MORC2: variants seen among roughly 807,000 people sequenced by gnomAD.
The protein encoded by MORC2 is MORC family CW-type zinc finger 2.
A neutral mutation model predicts 136.0 loss-of-function variants in MORC2; 30 were observed. The ratio of observed to expected loss-of-function variants is 0.22; its 90% CI spans 0.17 to 0.30. MORC2 has a LOEUF of 0.30. MORC2 is among the 10% of genes least tolerant of loss of function. The pLI is 1.00. For missense variants in MORC2, 922 were observed against 1,333.1 expected (o/e 0.69, Z 4.80); for synonymous variants, 439 against 487.0 (o/e 0.90, Z 1.30).
intron 3 of MORC2, among the ~76,000 whole-genome samples, chr22:30,951,790 T>C (rs2040890643): frequency 6.6e-6 from 1 of 152,168 alleles, no homozygotes; most frequent in South Asian, 2.1e-4. Flanking sequence ...ATAGACTTAT[T>C]AATGTAAATT....
Position 30,958,685 on chromosome 22 carries a change from G to A in MORC2, c.78C>T (p.His26=), listed in dbSNP as rs562260543. 3.8e-5 allele frequency: 59 copies of A among 1,547,046 alleles called. 1 individual carries two copies. The African/African-American group carries it at 5.9e-4, about 15-fold the overall frequency. Residue 26 remains histidine, a synonymous_variant, in exon 2 of 26, where the codon CAC becomes CAT. Coordinates refer to ENST00000397641, the MANE Select transcript of MORC2 (RefSeq NM_001303256.3). ...CAGCAAGGGCACCAAACAAGAATTC[G>A]TGAGTGGTTCTGAAATGATAAATAC... ...FEYLHTNSTT[H]EFLFGALAEL...
intron 5 of MORC2, 66 bp downstream of exon 5, chr22:30,949,686 C>CA: frequency 7.6e-7 from 1 of 1,315,710 alleles, no homozygotes; most frequent in Non-Finnish European, 1.1e-6. Flanking sequence ...AGTTTTCATC[C>CA]AAGAGAAGCA....
At chr22:30,944,397 T>C (rs2040785692) in intron 6 of MORC2, among the ~76,000 whole-genome samples, 1 of 152,128 alleles carries the variant, frequency 6.6e-6, no homozygotes, top group South Asian at 2.1e-4. Flanking sequence ...ACTTCTCCTT[T>C]AGTTCAATGG....
At chr22:30,935,951 T>C (rs187044462) in intron 17 of MORC2, among the ~76,000 whole-genome samples, 87 of 152,358 alleles carry the variant, frequency 5.7e-4, no homozygotes, top group African/African-American at 2.0e-3. Flanking sequence ...TCTCATATAC[T>C]GCTGGTAAAT....
In MORC2 at chr22:30,941,490, A is replaced by T; in HGVS notation, c.767T>A (p.Phe256Tyr). 6.2e-7 allele frequency: 1 copy of T among 1,614,104 alleles called. No individual in the cohort carries two copies. Among genetic ancestry groups the T allele is most frequent in the South Asian group, 1.1e-5 (1 of 91,072 alleles). Residue 256 changes from phenylalanine to tyrosine, a missense_variant, in exon 9 of 26, where the codon TTC becomes TAC. Coordinates refer to ENST00000397641, the MANE Select transcript of MORC2 (RefSeq NM_001303256.3). The surrounding 1 kb of genome is among the most constrained non-coding windows in gnomAD (Gnocchi z 4.6). ...VLYIDPRMRI[F>Y]IHGHKVQTKR... ...GGTCTGCACCTTGTGCCCATGGATGAAGATCCTCATCCGGGGATCAATATA... is the reference window on the plus strand; with the variant it reads ...GGTCTGCACCTTGTGCCCATGGATGTAGATCCTCATCCGGGGATCAATATA...
rs1234117416 is a variant in MORC2 at position 30,968,154 on chromosome 22, C to T, written c.-265G>A. On this transcript the variant is annotated 5_prime_UTR_variant, in exon 1 of 26. Transcript: ENST00000397641. ...GTCATAAATCTGTAGCTTTAAGGAG[C>T]TTTTAGCATTAAGTTGCGATAGCTC... The T allele has an allele frequency of 2.4e-6, 1 of 413,480 alleles. No homozygotes were observed. Among genetic ancestry groups the T allele is most frequent in the Non-Finnish European group, 4.4e-6 (1 of 227,454 alleles). The allele number at this position is 413,480 out of a possible 1,614,324, so 25.6% of individuals were successfully genotyped here. A position where few individuals can be genotyped will look rare whatever the true frequency, so the allele number is the denominator to read the frequency against.
intron 1 of MORC2, 107 bp downstream of exon 1, chr22:30,967,715 G>C: frequency 2.6e-6 from 4 of 1,521,110 alleles, no homozygotes; most frequent in Non-Finnish European, 3.5e-6. Context: ...ACTCCAGTGG[G>C]ATACATCTCA....
chr22:30,965,288 G>A (rs951482223), intron 1 of MORC2, among the ~76,000 whole-genome samples: 1 of 152,188 alleles, frequency 6.6e-6, no homozygotes, highest in Non-Finnish European at 1.5e-5. Context: ...ACAGAACAAA[G>A]GAGAAGAGAG....
intron 24 of MORC2, chr22:30,929,863 T>A (rs1192313336): frequency 6.6e-6 from 1 of 152,258 alleles, no homozygotes; most frequent in African/African-American, 2.4e-5. Context: ...TAATATACTT[T>A]TTTTTTGACA....
chr22:30,932,806 G>A lies in MORC2; in HGVS notation c.2523-37C>T, dbSNP rs772878146. The A allele has an allele frequency of 1.2e-5, 20 of 1,613,024 alleles. No homozygotes were observed. Among genetic ancestry groups the A allele is most frequent in the South Asian group, 8.8e-5 (8 of 91,036 alleles). On this transcript the variant is annotated intron_variant, in intron 22 of 25. Transcript: ENST00000397641. The surrounding 1 kb of genome is among the most constrained non-coding windows in gnomAD (Gnocchi z 4.4). ...ACACAGCTTATGTCATGTCTGACCC[G>A]GGCTCCCAGGATGGGCTGCTGGCAG...
chr22:30,926,468 T>C lies in MORC2; in HGVS notation c.*335A>G. The C allele has an allele frequency of 6.1e-6, 1 of 163,534 alleles. No homozygotes were observed. Among genetic ancestry groups the C allele is most frequent in the Non-Finnish European group, 1.2e-5 (1 of 81,104 alleles). The allele number at this position is 163,534 out of a possible 1,614,324, so 10.1% of individuals were successfully genotyped here. ...GATGGCACTGGACTCGCCGTTATCTTGAGGAGCCAGGAGCTGAAATGGCTC... is the reference window on the plus strand; with the variant it reads ...GATGGCACTGGACTCGCCGTTATCTCGAGGAGCCAGGAGCTGAAATGGCTC... On this transcript the variant is annotated 3_prime_UTR_variant, in exon 26 of 26. Coordinates refer to ENST00000397641, the MANE Select transcript of MORC2 (RefSeq NM_001303256.3).
chr22:30,950,339 A>AAACCCCCC, intron 4 of MORC2, 38 bp downstream of exon 4: 1 of 539,982 alleles, frequency 1.9e-6, no homozygotes, highest in South Asian at 1.7e-5. Flanking sequence ...GTTACATCGC[A>AAACCCCCC]CCCCCCCACC....
Position 30,932,303 on chromosome 22 carries a change from C to A in MORC2, c.2841+56G>T. The A allele has an allele frequency of 7.2e-7, 1 of 1,391,704 alleles. No homozygotes were observed. Among genetic ancestry groups the A allele is most frequent in the Non-Finnish European group, 1.0e-6 (1 of 996,284 alleles). The allele number at this position is 1,391,704 out of a possible 1,614,324, so 86.2% of individuals were successfully genotyped here. A position where few individuals can be genotyped will look rare whatever the true frequency, so the allele number is the denominator to read the frequency against. ...ATAATCACAACAGTTACAACAAATG[C>A]AGGGGCAGGGGTGGGGGAATGAAGA... On this transcript the variant is annotated intron_variant, in intron 24 of 25. Transcript: ENST00000397641. The surrounding 1 kb of genome is among the most constrained non-coding windows in gnomAD (Gnocchi z 4.4).
At position 30,968,659 on chromosome 22, in the gene MORC2, G is replaced by A. The variant is rs1319613075; in HGVS notation, c.-770C>T. On this transcript the variant is annotated 5_prime_UTR_variant, in exon 1 of 26. Transcript: ENST00000397641. ...CCTCAGCCTCCCAGGCCCTTCCCGGGCCTCGGTCCCGTGGCCGCCTCCCCA... is the reference window on the plus strand; with the variant it reads ...CCTCAGCCTCCCAGGCCCTTCCCGGACCTCGGTCCCGTGGCCGCCTCCCCA... 6.6e-6 allele frequency among the ~76,000 whole-genome samples: 1 copy of A among 151,956 alleles called. No homozygotes were observed. Among genetic ancestry groups the A allele is most frequent in the Non-Finnish European group, 1.5e-5 (1 of 67,948 alleles).
rs762901266 is a variant in MORC2, at chr22:30,938,161, T to C, written c.1118A>G (p.Asn373Ser). 4 of 1,614,016 alleles carry C rather than the reference T, an allele frequency of 2.5e-6. No individual in the cohort carries two copies. In the African/African-American group the frequency reaches 5.3e-5, roughly 22 times the overall value. The change falls in exon 13 of 26, where the codon AAC (asparagine) becomes AGC (serine). Residue 373 changes from asparagine (N) to serine (S), a missense_variant. Physicochemically the swap from Asn to Ser is conservative, Grantham distance 46. Around this residue, in one of 9 missense-constraint regions of MORC2, gnomAD observed 261 missense variants for 354.3 expected, o/e 0.74. Coordinates refer to ENST00000397641, the MANE Select transcript of MORC2 (RefSeq NM_001303256.3). ...PKELNFVFGV[N>S]IEHRDLDGMF... ...GCCATCCAGATCCCGGTGTTCAATG[T>C]TGACACCAAAAACAAAATTCAGTTC...
Position 30,932,272 on chromosome 22 carries a change from A to G in MORC2, c.2841+87T>C. ...AGAGCTAGCAACTGCAACAAGCGTAACAATCATAATCACAACAGTTACAAC... is the reference window on the plus strand; with the variant it reads ...AGAGCTAGCAACTGCAACAAGCGTAGCAATCATAATCACAACAGTTACAAC... On this transcript the variant is annotated intron_variant, in intron 24 of 25. Transcript: ENST00000397641. This position sits in a 1 kb window ranked among gnomAD's most constrained non-coding sequence, Gnocchi z 4.4. 1 of 1,154,694 alleles carries G rather than the reference A, an allele frequency of 8.7e-7. No individual in the cohort carries two copies. Among genetic ancestry groups the G allele is most frequent in the Non-Finnish European group, 1.3e-6 (1 of 794,884 alleles). The allele number at this position is 1,154,694 out of a possible 1,614,324, so 71.5% of individuals were successfully genotyped here. A position where few individuals can be genotyped will look rare whatever the true frequency, so the allele number is the denominator to read the frequency against.
At chr22:30,959,219 T>C (rs926718330) in intron 1 of MORC2, among the ~76,000 whole-genome samples, 2 of 152,214 alleles carry the variant, frequency 1.3e-5, no homozygotes, top group African/African-American at 4.8e-5. Flanking sequence ...AATCCAAACT[T>C]TGAGCAGCCT....
chr22:30,952,978 C>T (rs1369250075), intron 3 of MORC2, among the ~76,000 whole-genome samples: 1 of 152,160 alleles, frequency 6.6e-6, no homozygotes, highest in Non-Finnish European at 1.5e-5. Flanking sequence ...TTCTGGGCTC[C>T]CCCTGGATAG....
At chr22:30,940,398 C>T (rs1457479078) in intron 10 of MORC2, among the ~76,000 whole-genome samples, 1 of 152,060 alleles carries the variant, frequency 6.6e-6, no homozygotes, top group Non-Finnish European at 1.5e-5. Context: ...GCCGAGAAAC[C>T]CTGAGAAACC....
Sources: gnomAD v4.1 joint callset for allele counts (sites outside exome capture counted in the v4.1 genomes callset) on GRCh38, gnomAD v4.1.1 for gene constraint, gnomAD v4.1.1 regional missense constraint, Gnocchi (gnomAD v3.1) non-coding constraint, MANE v1.5 for transcripts, NCBI Gene and HGNC (gene_info 2026-07-23, HGNC 2026-07-21) for gene names.